KALRN: variants seen among roughly 807,000 people sequenced by gnomAD.
KALRN encodes the protein kalirin RhoGEF kinase.
In KALRN, 70 loss-of-function variants were observed where a neutral mutation model predicts 353.7. The ratio of observed to expected loss-of-function variants is 0.20; its 90% CI spans 0.16 to 0.24. KALRN has a LOEUF of 0.24. Among genes scored for constraint, KALRN ranks in the 10% least tolerant of loss-of-function variants. KALRN has a pLI of 1.00. For synonymous variants in KALRN, 1,391 were observed against 1,434.8 expected (o/e 0.97, Z 0.69); for missense variants, 2,791 against 3,756.7 (o/e 0.74, Z 6.72).
chr3:124,668,403 T>G (rs1309941767), intron 47 of KALRN, among the ~76,000 whole-genome samples: 1 of 151,980 alleles, frequency 6.6e-6, no homozygotes, highest in African/African-American at 2.4e-5. Flanking sequence ...AAAAAGGGAG[T>G]TCAGGTAGAT....
chr3:124,074,821 A>G (rs1359066951), intron 1 of KALRN, among the ~76,000 whole-genome samples: 10 of 152,198 alleles, frequency 6.6e-5, no homozygotes, highest in Admixed American at 2.0e-4. Context: ...ACATGTCAGT[A>G]TATTTTTTCA....
At chr3:124,434,053 A>G (rs2093380652) in intron 16 of KALRN, among the ~76,000 whole-genome samples, 1 of 152,242 alleles carries the variant, frequency 6.6e-6, no homozygotes, top group Non-Finnish European at 1.5e-5. Context: ...CTTAAAATCT[A>G]GAGTGCTGCA....
intron 3 of KALRN, among the ~76,000 whole-genome samples, chr3:124,240,172 GC>G (rs1411297062): frequency 1.3e-5 from 2 of 152,208 alleles, no homozygotes; most frequent in African/African-American, 4.8e-5. Context: ...CTACCATGCT[GC>G]TAGGAAACAT....
At position 124,313,902 on chromosome 3, in the gene KALRN, A is replaced by G. The variant is rs145234853; in HGVS notation, c.1093-12078A>G. On this transcript the variant is annotated intron_variant, in intron 6 of 59. Coordinates refer to ENST00000682506, the MANE Select transcript of KALRN (RefSeq NM_001388419.1). ...AGGGTGTCAGTTCATTTGTGTTGCT[A>G]TAAGAGAATACCTGAGTCATAGGAT... 3.5e-3 allele frequency among the ~76,000 whole-genome samples: 538 copies of G among 152,288 alleles called. 2 individuals are homozygous for G. The highest frequency in any genetic ancestry group is 6.1e-3 in the Non-Finnish European group (414 of 68,020).
At chr3:124,548,157 C>G (rs540257801) in intron 33 of KALRN, among the ~76,000 whole-genome samples, 1 of 152,278 alleles carries the variant, frequency 6.6e-6, no homozygotes, top group East Asian at 1.9e-4. Flanking sequence ...AGCTGGCTCT[C>G]TCTAGCTACC....
chr3:124,662,119 A>C (rs1050308851), intron 45 of KALRN, among the ~76,000 whole-genome samples, 191 bp downstream of exon 45: 2 of 148,954 alleles, frequency 1.3e-5, no homozygotes, highest in African/African-American at 4.9e-5. Flanking sequence ...AGCAGTAGGG[A>C]GGTCATAAGA....
In KALRN at chr3:124,340,377, G is replaced by T. The variant is rs909119460; in HGVS notation, c.1647+5882G>T. 4.0e-5 allele frequency among the ~76,000 whole-genome samples: 6 copies of T among 151,790 alleles called. No homozygotes were observed. In the East Asian group the frequency reaches 9.7e-4, roughly 25 times the overall value. On this transcript the variant is annotated intron_variant, in intron 9 of 59. Transcript: ENST00000682506. Reference sequence around the variant, plus strand: ...TCTCTACTAAAACACAATAAAACTAGCTGGGTATTGTGGTGTGTGCCTGTG... The same window carrying T: ...TCTCTACTAAAACACAATAAAACTATCTGGGTATTGTGGTGTGTGCCTGTG...
At position 124,492,835 on chromosome 3, in the gene KALRN, A is replaced by T; in HGVS notation, c.4785A>T (p.Pro1595=). ...IIHLKGALKE[P]LQLPKTPAKQ... ...ACCTGAAAGGAGCTTTAAAGGAGCC[A>T]CTTCAGCTCCCCAAAACACCAGCCA... The change falls in exon 32 of 60, where the codon CCA becomes CCT. Residue 1595 remains proline (P), a synonymous_variant. Transcript: ENST00000682506. 6.2e-7 allele frequency: 1 copy of T among 1,614,158 alleles called. No homozygotes were observed. The highest frequency in any genetic ancestry group is 8.5e-7 in the Non-Finnish European group (1 of 1,179,992).
chr3:124,210,725 A>G (rs2076831475), intron 1 of KALRN, among the ~76,000 whole-genome samples: 2 of 152,188 alleles, frequency 1.3e-5, no homozygotes, highest in South Asian at 4.2e-4. Flanking sequence ...CAATCCCACA[A>G]CCATGACTCA....
intron 49 of KALRN, among the ~76,000 whole-genome samples, chr3:124,676,046 G>A (rs189345875): frequency 4.6e-5 from 7 of 152,204 alleles, no homozygotes; most frequent in Non-Finnish European, 8.8e-5. Context: ...GGTAAGCCTT[G>A]GGATAAAGGC....
intron 34 of KALRN, among the ~76,000 whole-genome samples, chr3:124,581,840 T>C (rs1024828829): frequency 1.3e-5 from 2 of 152,116 alleles, no homozygotes; most frequent in African/African-American, 4.8e-5. Flanking sequence ...GGTATTGTCT[T>C]TGGTGACATG....
chr3:124,319,591 A>G (rs2079117615), intron 6 of KALRN, among the ~76,000 whole-genome samples: 1 of 148,066 alleles, frequency 6.8e-6, no homozygotes, highest in Non-Finnish European at 1.5e-5. Context: ...AATTATATAT[A>G]TAAAATATAT....
Position 124,461,890 on chromosome 3 carries a change from A to T in KALRN, c.3855A>T (p.Glu1285Asp), listed in dbSNP as rs1395347752. The change falls in exon 24 of 60, where the codon GAA (glutamate) becomes GAT (aspartate). Residue 1285 changes from glutamate (E) to aspartate (D), a missense_variant and splice_region_variant. Glu to Asp is a conservative substitution (Grantham distance 45). Around this residue, in one of 11 missense-constraint regions of KALRN, gnomAD observed 268 missense variants for 347.0 expected, o/e 0.77. Transcript: ENST00000682506. ...TAAAAGCCCATTTGTTTCCTTCTAG[A>T]TTTATTATGGCTGAACTACTCCAGA... ...EEKRKSARKK[E>D]FIMAELLQTE... The T allele has an allele frequency of 6.2e-6, 10 of 1,612,118 alleles. No individual in the cohort carries two copies. The highest frequency in any genetic ancestry group is 2.7e-5 in the African/African-American group (2 of 74,866).
intron 38 of KALRN, among the ~76,000 whole-genome samples, chr3:124,653,598 G>A (rs1394273848): frequency 1.3e-5 from 2 of 152,190 alleles, no homozygotes; most frequent in African/African-American, 4.8e-5. Context: ...TTTGCACAAA[G>A]ACCGGGGGAG....
intron 3 of KALRN, among the ~76,000 whole-genome samples, chr3:124,244,323 C>T (rs1348970234): frequency 1.3e-5 from 2 of 152,054 alleles, no homozygotes; most frequent in Non-Finnish European, 2.9e-5. Context: ...CTGCAACCTC[C>T]GCCTCCTTGG....
intron 51 of KALRN, among the ~76,000 whole-genome samples, chr3:124,680,877 G>T (rs1040072739): frequency 3.9e-5 from 6 of 152,202 alleles, no homozygotes; most frequent in African/African-American, 1.4e-4. Context: ...ATGTATCTTA[G>T]AGAACAAGGA....
chr3:124,316,357 A>G (rs922682697), intron 6 of KALRN, among the ~76,000 whole-genome samples: 2 of 151,648 alleles, frequency 1.3e-5, no homozygotes, highest in Non-Finnish European at 2.9e-5. Flanking sequence ...ACATCTTGCC[A>G]CTCTGCTTAA....
chr3:124,250,515 C>T lies in KALRN; in HGVS notation c.264-13983C>T, dbSNP rs137912619. Among the ~76,000 whole-genome samples, 238 of 152,324 alleles carry T rather than the reference C, an allele frequency of 1.6e-3. 1 individual carries two copies. The highest frequency in any genetic ancestry group is 5.4e-3 in the African/African-American group (223 of 41,568). ...CCCTCAGCTCTCTTCTCTTACTCCA[C>T]GTTTTAGAAAGGCTCCTTGTGTCTT... On this transcript the variant is annotated intron_variant, in intron 3 of 59. Transcript: ENST00000682506.
intron 1 of KALRN, among the ~76,000 whole-genome samples, chr3:124,140,380 C>T (rs988235212): frequency 1.3e-5 from 2 of 152,136 alleles, no homozygotes; most frequent in Admixed American, 6.5e-5. Context: ...CACTGACAAG[C>T]GAATAGAAGT....
Sources: gnomAD v4.1 joint callset for allele counts (sites outside exome capture counted in the v4.1 genomes callset) on GRCh38, gnomAD v4.1.1 for gene constraint, gnomAD v4.1.1 regional missense constraint, MANE v1.5 for transcripts, NCBI Gene and HGNC (gene_info 2026-07-23, HGNC 2026-07-21) for gene names.